The following RCOR1 variants were observed in gnomAD, a reference collection of about 807,000 sequenced individuals.
The protein encoded by RCOR1 is REST corepressor 1.
RCOR1 carries 12 observed loss-of-function variants against 64.0 expected under a neutral mutation model. That is an observed-to-expected ratio of 0.19 (90% CI 0.12 to 0.30). RCOR1 has a LOEUF of 0.30. RCOR1 is among the 10% of genes least tolerant of loss of function. The pLI, the probability that RCOR1 is intolerant of heterozygous loss-of-function variation, is 1.00. For synonymous variants in RCOR1, 279 were observed against 227.2 expected (o/e 1.23, Z -2.05); for missense variants, 502 against 621.2 (o/e 0.81, Z 2.04).
At chr14:102,627,665 A>G (rs2004849) in intron 2 of RCOR1, among the ~76,000 whole-genome samples, 4,327 of 151,800 alleles carry the variant, frequency 0.029, 214 homozygotes, top group African/African-American at 0.1. Context: ...TTAAAAAAAA[A>G]AAAAAACACA....
chr14:102,718,742 G>GT (rs1288168468), intron 8 of RCOR1, among the ~76,000 whole-genome samples: 1 of 151,906 alleles, frequency 6.6e-6, no homozygotes, highest in African/African-American at 2.4e-5. Flanking sequence ...AGTAATCTCT[G>GT]TTTTTTTCCT....
At chr14:102,687,778 C>T (rs933356037) in intron 3 of RCOR1, among the ~76,000 whole-genome samples, 2 of 152,086 alleles carry the variant, frequency 1.3e-5, no homozygotes, top group Non-Finnish European at 2.9e-5. Context: ...AAGCATCTCC[C>T]ATGTACCACT....
chr14:102,593,448 G>A, intron 2 of RCOR1, 123 bp downstream of exon 2: 2 of 1,058,038 alleles, frequency 1.9e-6, no homozygotes, highest in Non-Finnish European at 2.6e-6. Context: ...GCCGTCCGTG[G>A]GGAGAACAGC....
At chr14:102,599,454 T>A (rs1014980113) in intron 2 of RCOR1, among the ~76,000 whole-genome samples, 2 of 152,124 alleles carry the variant, frequency 1.3e-5, no homozygotes, top group Admixed American at 6.6e-5. Flanking sequence ...ATTTTTTAAT[T>A]TTTTTTATTC....
At chr14:102,713,205 C>T (rs1595242708) in intron 7 of RCOR1, among the ~76,000 whole-genome samples, 1 of 151,172 alleles carries the variant, frequency 6.6e-6, no homozygotes, top group South Asian at 2.1e-4. Context: ...CCACCCACCT[C>T]GGCCTCCTAA....
chr14:102,725,307 G>A (rs555811387), intron 11 of RCOR1, among the ~76,000 whole-genome samples: 1 of 152,356 alleles, frequency 6.6e-6, no homozygotes, highest in African/African-American at 2.4e-5. Context: ...TGTTTCTCCA[G>A]CAATGAGATG....
At chr14:102,690,822 G>A (rs148460108) in intron 3 of RCOR1, among the ~76,000 whole-genome samples, 133 of 152,246 alleles carry the variant, frequency 8.7e-4, no homozygotes, top group African/African-American at 3.2e-3. Context: ...GTGTAAAACT[G>A]AGTGGAGGAA....
At chr14:102,635,326 A>C (rs553910988) in intron 2 of RCOR1, among the ~76,000 whole-genome samples, 9 of 152,142 alleles carry the variant, frequency 5.9e-5, no homozygotes, top group Non-Finnish European at 1.0e-4. Flanking sequence ...CACCATGGTG[A>C]AAACCCATCT....
chr14:102,708,560 A>C lies in RCOR1; in HGVS notation c.756A>C (p.Lys252Asn), dbSNP rs1309538461. The change falls in exon 6 of 12, where the codon AAA becomes AAC. Residue 252 changes from lysine (K) to asparagine (N), a missense_variant. By Grantham distance (94) the Lys-to-Asn change is moderately conservative (BLOSUM62 0). Coordinates refer to ENST00000262241, the MANE Select transcript of RCOR1 (RefSeq NM_015156.4). ...KTSVMDRHAR[K>N]QKREREESED... Reference sequence around the variant, plus strand: ...GTGTGATGGATCGCCATGCCCGGAAACAAAAACGGGAGCGGGAGGAGAGGT... The same window carrying C: ...GTGTGATGGATCGCCATGCCCGGAACCAAAAACGGGAGCGGGAGGAGAGGT... The C allele has an allele frequency of 6.2e-7, 1 of 1,609,842 alleles. No individual in the cohort carries two copies. Among genetic ancestry groups the C allele is most frequent in the Non-Finnish European group, 8.5e-7 (1 of 1,176,466 alleles).
At chr14:102,650,197 C>CA (rs35233018) in intron 2 of RCOR1, among the ~76,000 whole-genome samples, 3,175 of 83,664 alleles carry the variant, frequency 0.038, 55 homozygotes, top group Middle Eastern at 0.065. Flanking sequence ...GACTCCACCG[C>CA]AAAAAAAAAA....
At chr14:102,690,209 A>G (rs1327203794) in intron 3 of RCOR1, among the ~76,000 whole-genome samples, 1 of 152,178 alleles carries the variant, frequency 6.6e-6, no homozygotes, top group African/African-American at 2.4e-5. Context: ...CATACGCACA[A>G]TTCATTTCTA....
In RCOR1 at chr14:102,641,281, A is replaced by G. The variant is rs1894362773; in HGVS notation, c.362-40614A>G. Among the ~76,000 whole-genome samples the G allele has an allele frequency of 2.0e-5, 3 of 151,672 alleles. No individual in the cohort carries two copies. The South Asian group carries it at 6.2e-4, about 32-fold the overall frequency. On this transcript the variant is annotated intron_variant, in intron 2 of 11. Transcript: ENST00000262241. ...AAAAAAAGAAAACCAGAAAAGAATT[A>G]TGTAAGCAGTTATTCAATAATAAAT...
At chr14:102,705,025 T>C (rs1895822120) in intron 4 of RCOR1, among the ~76,000 whole-genome samples, 1 of 151,372 alleles carries the variant, frequency 6.6e-6, no homozygotes, top group Non-Finnish European at 1.5e-5. Context: ...ACTCTGGAGG[T>C]TGAGGTGGGA....
intron 2 of RCOR1, among the ~76,000 whole-genome samples, chr14:102,634,844 G>T (rs1415758513): frequency 6.6e-6 from 1 of 150,802 alleles, no homozygotes; most frequent in African/African-American, 2.4e-5. Context: ...TTACAGGCAC[G>T]TGCCACCATG....
Position 102,729,677 on chromosome 14 carries a change from T to G in RCOR1, c.*3171T>G. 1 of 395,266 alleles carries G rather than the reference T, an allele frequency of 2.5e-6. No homozygotes were observed. The highest frequency in any genetic ancestry group is 4.5e-6 in the Non-Finnish European group (1 of 224,208). The allele number at this position is 395,266 out of a possible 1,614,324, so 24.5% of individuals were successfully genotyped here. On this transcript the variant is annotated 3_prime_UTR_variant, in exon 12 of 12. Transcript: ENST00000262241. The stretch of plus-strand genomic sequence containing the variant: ...AGTTTCCTCAGATACCACAGACCAC[T>G]GTTAAGTGTGCTCATTGTCACTTTA...
chr14:102,614,583 A>G (rs769626781), intron 2 of RCOR1, among the ~76,000 whole-genome samples: 7 of 152,074 alleles, frequency 4.6e-5, no homozygotes, highest in African/African-American at 1.2e-4. Context: ...AAGATTTTAT[A>G]TGTCAGATGA....
chr14:102,599,742 C>CT (rs373554666), intron 2 of RCOR1, among the ~76,000 whole-genome samples: 1 of 148,796 alleles, frequency 6.7e-6, no homozygotes, highest in Non-Finnish European at 1.5e-5. Flanking sequence ...CTATGTTCTG[C>CT]TTTTTTTATG....
In RCOR1 at chr14:102,592,911, C is replaced by A; in HGVS notation, c.25C>A (p.Pro9Thr). 6 of 1,243,426 alleles carry A rather than the reference C, an allele frequency of 4.8e-6. No homozygotes were observed. The highest frequency in any genetic ancestry group is 3.8e-5 in the Admixed American group (1 of 26,636). 77.0% of individuals were successfully genotyped at this position (1,243,426 alleles called of 1,614,324 possible). MPAMVEKG[P>T]EVSGKRRGRN... ...GATGCCGGCCATGGTGGAGAAGGGC[C>A]CCGAGGTCTCAGGGAAGCGGAGAGG... The change falls in exon 1 of 12, where the codon CCC (proline) becomes ACC (threonine). Residue 9 changes from proline to threonine, a missense_variant. Pro to Thr is a conservative substitution (Grantham distance 38). This residue lies in a region of RCOR1 where 242 missense variants were observed against 204.9 expected (regional missense o/e 1.18). Transcript: ENST00000262241.
rs200468608 is a variant in RCOR1 at position 102,728,086 on chromosome 14, TTTGTTGTTG to T, written c.*1593_*1601del. ...GTTTTGTCTCCCAAGCACCTTGTTT[TTTGTTGTTG>T]TTGTTGTTGTTGAAGTCAGCTGATT... On this transcript the variant is annotated 3_prime_UTR_variant, in exon 12 of 12. Transcript: ENST00000262241. The T allele has an allele frequency of 6.6e-6, 1 of 152,520 alleles. No individual in the cohort carries two copies. Among genetic ancestry groups the T allele is most frequent in the Non-Finnish European group, 1.5e-5 (1 of 68,020 alleles). 9.4% of individuals were successfully genotyped at this position (152,520 alleles called of 1,614,324 possible).
Sources: allele counts gnomAD v4.1 joint callset (sites outside exome capture counted in the v4.1 genomes callset), GRCh38; gene constraint gnomAD v4.1.1; regional missense constraint gnomAD v4.1.1; transcripts MANE v1.5; gene names NCBI Gene and HGNC (gene_info 2026-07-23, HGNC 2026-07-21).